The following BUB1 variants were observed in gnomAD, a reference collection of about 807,000 sequenced individuals.
The protein encoded by BUB1 is mitotic checkpoint serine/threonine-protein kinase BUB1.
Under a neutral mutation model 135.2 loss-of-function variants are expected in BUB1, and 84 were observed. That is an observed-to-expected ratio of 0.62 (90% CI 0.52 to 0.74). BUB1 has a LOEUF of 0.74. BUB1 is among the 30% of genes least tolerant of loss of function. BUB1 has a pLI of 0.00. For missense variants in BUB1, 1,162 were observed against 1,288.3 expected, an observed-to-expected ratio of 0.90 and a Z score of 1.50; for synonymous variants, 403 against 434.4, an observed-to-expected ratio of 0.93 and a Z score of 0.90.
At chr2:110,672,541 A>T (rs1690450298) in intron 4 of BUB1, 120 bp downstream of exon 4, 2 of 1,074,130 alleles carry the variant, frequency 1.9e-6, no homozygotes, top group African/African-American at 3.2e-5. Flanking sequence ...ATCCTGTATT[A>T]TCCACATTGT....
In BUB1 at chr2:110,651,265, G is replaced by T. The variant is rs185772377; in HGVS notation, c.1965-481C>A. Among the ~76,000 whole-genome samples, 18 of 152,212 alleles carry T rather than the reference G, an allele frequency of 1.2e-4. No individual in the cohort carries two copies. In the East Asian group the frequency reaches 3.1e-3, roughly 26 times the overall value. On this transcript the variant is annotated intron_variant, in intron 17 of 24. Transcript: ENST00000302759. ...AGCATATGCAATGGTGGCCCCATAG[G>T]ATCATAATGGAGCCGAAAACCTCCA...
chr2:110,653,269 G>C (rs1240450953), intron 17 of BUB1, among the ~76,000 whole-genome samples, 167 bp downstream of exon 17: 1 of 152,200 alleles, frequency 6.6e-6, no homozygotes, highest in Non-Finnish European at 1.5e-5. Context: ...TATTCACGGA[G>C]AGTACCTTCT....
chr2:110,657,794 T>C lies in BUB1; in HGVS notation c.1517-149A>G. ...TCAAATACTAGGCAGTAAGTCACTA[T>C]AGTGAGATGAAGTGACTTAACTATG... On this transcript the variant is annotated intron_variant, in intron 13 of 24. Coordinates refer to ENST00000302759, the MANE Select transcript of BUB1 (RefSeq NM_004336.5). 5.1e-6 allele frequency: 3 copies of C among 585,496 alleles called. No individual in the cohort carries two copies. In the South Asian group the frequency reaches 9.0e-5, roughly 17 times the overall value. The allele number at this position is 585,496 out of a possible 1,614,324, so 36.3% of individuals were successfully genotyped here. A position where few individuals can be genotyped will look rare whatever the true frequency, so the allele number is the denominator to read the frequency against.
At chr2:110,653,569 T>C (rs755945795) in intron 16 of BUB1, 46 bp from the exon 17 acceptor site, 6 of 1,475,306 alleles carry the variant, frequency 4.1e-6, no homozygotes, top group Admixed American at 1.7e-5. Context: ...GATGCACATG[T>C]GTGCACAACA....
chr2:110,678,014 G>C lies in BUB1; in HGVS notation c.-19C>G. ...TGTCCATGGCCAGAGGACGCTGGCC[G>C]GCAGCGGCCAAACCTGAACCGCAAA... On this transcript the variant is annotated 5_prime_UTR_variant, in exon 1 of 25. Transcript: ENST00000302759. 3 of 1,602,014 alleles carry C rather than the reference G, an allele frequency of 1.9e-6. No individual in the cohort carries two copies. Among genetic ancestry groups the C allele is most frequent in the Non-Finnish European group, 1.7e-6 (2 of 1,175,180 alleles).
chr2:110,652,059 TACACAC>T (rs559734586), intron 17 of BUB1, among the ~76,000 whole-genome samples: 41 of 145,280 alleles, frequency 2.8e-4, no homozygotes, highest in South Asian at 1.5e-3. Flanking sequence ...TATACATCCA[TACACAC>T]ACACACACAC....
At position 110,674,236 on chromosome 2, in the gene BUB1, T is replaced by C. The variant is rs1372496552; in HGVS notation, c.87-12A>G. ...CCCACTGTATGTATCTAGAAAAATA[T>C]GGATAATGTTAATTTTCCATGGGGC... On this transcript the variant is annotated splice_polypyrimidine_tract_variant and intron_variant, in intron 2 of 24. Transcript: ENST00000302759. 1.2e-6 allele frequency: 2 copies of C among 1,610,910 alleles called. No homozygotes were observed. Among genetic ancestry groups the C allele is most frequent in the East Asian group, 2.2e-5 (1 of 44,820 alleles).
intron 19 of BUB1, among the ~76,000 whole-genome samples, chr2:110,645,306 C>T (rs994737192): frequency 5.3e-5 from 8 of 151,822 alleles, no homozygotes; most frequent in African/African-American, 9.7e-5. Flanking sequence ...TGGTGGTGTG[C>T]GCCTGTAGTC....
intron 17 of BUB1, among the ~76,000 whole-genome samples, chr2:110,652,492 C>CTGG (rs1365633237): frequency 9.2e-5 from 14 of 152,186 alleles, no homozygotes; most frequent in Admixed American, 9.2e-4. Context: ...GTCAGTGTTG[C>CTGG]TGGACATAAA....
At chr2:110,644,058 C>CAAAAAAAAAAAAAAAAAAAAA (rs58393999) in intron 19 of BUB1, among the ~76,000 whole-genome samples, 6 of 39,686 alleles carry the variant, frequency 1.5e-4, no homozygotes, top group Admixed American at 3.6e-4. Flanking sequence ...AACTGAAATG[C>CAAAAAAAAAAAAAAAAAAAAA]AAAAAAAAAA....
rs571606804 is a variant in BUB1 at position 110,673,377 on chromosome 2, G to A, written c.226-520C>T. 4.1e-4 allele frequency among the ~76,000 whole-genome samples: 63 copies of A among 152,262 alleles called. 1 individual carries two copies. The highest frequency in any genetic ancestry group is 1.0e-3 in the South Asian group (5 of 4,814). On this transcript the variant is annotated intron_variant, in intron 3 of 24. Coordinates refer to ENST00000302759, the MANE Select transcript of BUB1 (RefSeq NM_004336.5). ...CTCAGACCCAGGGAGAGGGTTGTGC[G>A]AACTCTGCTTTGTAGCCAGTCAGGC...
At position 110,642,238 on chromosome 2, in the gene BUB1, A is replaced by G. The variant is rs772860601; in HGVS notation, c.2348-4T>C. On this transcript the variant is annotated splice_polypyrimidine_tract_variant and splice_region_variant and intron_variant, in intron 19 of 24. Transcript: ENST00000302759. ...TGGACATAGACCAGCTTAGAACCTT[A>G]GAAGATAATTGAAAATTTTAATTTA... is the stretch of plus-strand genomic sequence containing the variant. The G allele has an allele frequency of 3.2e-6, 5 of 1,567,676 alleles. No individual in the cohort carries two copies. In the Admixed American group the frequency reaches 8.1e-5, roughly 25 times the overall value.
intron 5 of BUB1, among the ~76,000 whole-genome samples, chr2:110,669,824 C>T (rs1211012056): frequency 1.3e-5 from 2 of 152,130 alleles, no homozygotes; most frequent in African/African-American, 4.8e-5. Flanking sequence ...ATGCTTATTG[C>T]TGAAATGTGA....
chr2:110,651,628 C>T (rs1689789152), intron 17 of BUB1, among the ~76,000 whole-genome samples: 1 of 152,102 alleles, frequency 6.6e-6, no homozygotes, highest in South Asian at 2.1e-4. Context: ...TACAGCAGTG[C>T]ACAGTAATGT....
chr2:110,644,617 C>A (rs942255294), intron 19 of BUB1, among the ~76,000 whole-genome samples: 1 of 151,846 alleles, frequency 6.6e-6, no homozygotes, highest in Non-Finnish European at 1.5e-5. Context: ...CTAGGCATAT[C>A]ATATTCAAAC....
chr2:110,671,804 G>A (rs996581145), intron 4 of BUB1, among the ~76,000 whole-genome samples: 2 of 152,152 alleles, frequency 1.3e-5, no homozygotes, highest in African/African-American at 4.8e-5. Context: ...AACAAGAAGA[G>A]AAAAAAGCGC....
At chr2:110,655,518 T>C (rs1689905523) in intron 16 of BUB1, among the ~76,000 whole-genome samples, 1 of 152,196 alleles carries the variant, frequency 6.6e-6, no homozygotes, top group Non-Finnish European at 1.5e-5. Context: ...TCTAAGCTAT[T>C]ATATTTTAAA....
chr2:110,678,029 T>G lies in BUB1; in HGVS notation c.-34A>C. On this transcript the variant is annotated 5_prime_UTR_variant, in exon 1 of 25. Transcript: ENST00000302759. Reference sequence around the variant, plus strand: ...GACGCTGGCCGGCAGCGGCCAAACCTGAACCGCAAACTAGAAGCCGCCGCC... The same window carrying G: ...GACGCTGGCCGGCAGCGGCCAAACCGGAACCGCAAACTAGAAGCCGCCGCC... The G allele has an allele frequency of 6.3e-7, 1 of 1,592,396 alleles. No homozygotes were observed. The highest frequency in any genetic ancestry group is 8.5e-7 in the Non-Finnish European group (1 of 1,171,366).
intron 9 of BUB1, among the ~76,000 whole-genome samples, chr2:110,664,600 G>A (rs1370057272): frequency 7.2e-6 from 1 of 138,032 alleles, no homozygotes; most frequent in Non-Finnish European, 1.5e-5. Flanking sequence ...TTTTAAATAA[G>A]CTACTGGAGA....
Sources: allele counts gnomAD v4.1 joint callset (sites outside exome capture counted in the v4.1 genomes callset), GRCh38; gene constraint gnomAD v4.1.1; transcripts MANE v1.5; gene names NCBI Gene and HGNC (gene_info 2026-07-23, HGNC 2026-07-21).